The following NCOR2 variants were observed in gnomAD, a reference collection of about 807,000 sequenced individuals.
NCOR2 encodes the protein nuclear receptor corepressor 2.
Under a neutral mutation model 262.9 loss-of-function variants are expected in NCOR2, and 81 were observed. That is an observed-to-expected ratio of 0.31 (90% CI 0.26 to 0.37). The LOEUF (loss-of-function observed/expected upper bound fraction) is 0.37, where lower values mean the gene tolerates loss of function less well. Ranked by LOEUF, NCOR2 falls within the 10% of genes least tolerant of loss-of-function variation. The probability of loss-of-function intolerance (pLI) is 1.00; values close to 1 mark genes in which losing one functional copy is unlikely to be tolerated. For synonymous variants in NCOR2, 1,659 were observed against 1,559.3 expected, an observed-to-expected ratio of 1.06 and a Z score of -1.51; for missense variants, 3,385 against 3,621.4, an observed-to-expected ratio of 0.93 and a Z score of 1.68.
intron 10 of NCOR2, among the ~76,000 whole-genome samples, chr12:124,428,043 C>CTGTGTGTGTG (rs1491282996): frequency 1.1e-3 from 44 of 41,058 alleles, no homozygotes; most frequent in Non-Finnish European, 2.7e-3. Flanking sequence ...CCCATGTGGC[C>CTGTGTGTGTG]AGTGTGTGTG....
At chr12:124,355,002 C>T (rs990536989) in intron 24 of NCOR2, 63 bp from the exon 27 acceptor site, 74 of 1,384,824 alleles carry the variant, frequency 5.3e-5, no homozygotes, top group Non-Finnish European at 6.3e-5. Flanking sequence ...GTCCAGAGTG[C>T]CTGACGCTCC....
At chr12:124,393,736 C>T (rs1409897942) in intron 16 of NCOR2, among the ~76,000 whole-genome samples, 2 of 152,250 alleles carry the variant, frequency 1.3e-5, no homozygotes, top group African/African-American at 4.8e-5. Flanking sequence ...AGGCTGCTCA[C>T]TAAGCCTCTC....
chr12:124,458,621 C>T (rs536037369), intron 5 of NCOR2, among the ~76,000 whole-genome samples: 1 of 152,362 alleles, frequency 6.6e-6, no homozygotes, highest in Admixed American at 6.5e-5. Context: ...CTTAACATGT[C>T]AATTGCGCAT....
chr12:124,356,225 T>C (rs1163874519), intron 23 of NCOR2, among the ~76,000 whole-genome samples: 1 of 152,242 alleles, frequency 6.6e-6, no homozygotes, highest in Admixed American at 6.5e-5. Flanking sequence ...CCCCCGGCTG[T>C]GCTGCTTTAC....
intron 39 of NCOR2, 88 bp downstream of exon 41, chr12:124,335,395 G>A: frequency 1.3e-6 from 2 of 1,520,266 alleles, no homozygotes; most frequent in South Asian, 2.5e-5. Flanking sequence ...TGGCCTTTAG[G>A]CACCTCTGTT....
Position 124,379,004 on chromosome 12 carries a change from T to C in NCOR2, c.2020-620A>G, listed in dbSNP as rs7970925. Reference sequence around the variant, plus strand: ...GCACTCAGAGGATCAGAGGGTCGCGTGGGTGAAACAGGATGGGACAAGGAG... The same window carrying C: ...GCACTCAGAGGATCAGAGGGTCGCGCGGGTGAAACAGGATGGGACAAGGAG... On this transcript the variant is annotated intron_variant, in intron 17 of 46. Coordinates refer to ENST00000405201, the Ensembl canonical transcript of NCOR2. Among the ~76,000 whole-genome samples the C allele has an allele frequency of 4.6e-3, 107 of 23,512 alleles. 1 individual carries two copies. Among genetic ancestry groups the C allele is most frequent in the Non-Finnish European group, 2.2e-3 (13 of 5,890 alleles). 15.4% of individuals were successfully genotyped at this position (23,512 alleles called of 152,430 possible). A position where few individuals can be genotyped will look rare whatever the true frequency, so the allele number is the denominator to read the frequency against.
chr12:124,352,047 C>CA (rs796126205), intron 27 of NCOR2, among the ~76,000 whole-genome samples: 28 of 152,280 alleles, frequency 1.8e-4, no homozygotes, highest in African/African-American at 6.5e-4. Context: ...GAGCTCCCCC[C>CA]AAACTTCCCA....
At position 124,412,476 on chromosome 12, in the gene NCOR2, C is replaced by A. The variant is rs531044088; in HGVS notation, c.1482+7481G>T. ...TGCCTCCTGGGCTGGACTGGCCAGACCTCCCTTCTAGAAGGGGCTGGCTGC... is the reference window on the plus strand; with the variant it reads ...TGCCTCCTGGGCTGGACTGGCCAGAACTCCCTTCTAGAAGGGGCTGGCTGC... On this transcript the variant is annotated intron_variant, in intron 13 of 46. Transcript: ENST00000405201. Among the ~76,000 whole-genome samples, 34 of 152,346 alleles carry A rather than the reference C, an allele frequency of 2.2e-4. No homozygotes were observed. The South Asian group carries it at 2.7e-3, about 12-fold the overall frequency.
chr12:124,351,553 G>A (rs1236785351), intron 27 of NCOR2, among the ~76,000 whole-genome samples: 1 of 152,172 alleles, frequency 6.6e-6, no homozygotes, highest in Non-Finnish European at 1.5e-5. Flanking sequence ...CTGCCATATA[G>A]GGAATGAGCT....
exon 35 of NCOR2, chr12:124,340,668 G>C: frequency 1.3e-6 from 2 of 1,510,222 alleles, no homozygotes; most frequent in Non-Finnish European, 1.8e-6. Flanking sequence ...AGGTAGGCAA[G>C]GCGGTCCATG....
At position 124,378,335 on chromosome 12, in the gene NCOR2, G is replaced by A. The variant is rs1202645166; in HGVS notation, c.2069C>T (p.Ala690Val). 6.2e-7 allele frequency: 1 copy of A among 1,613,770 alleles called. No homozygotes were observed. The highest frequency in any genetic ancestry group is 8.5e-7 in the Non-Finnish European group (1 of 1,179,868). ...GGGCGGGAATGCAGCCTCCTCGCTG[G>A]CCGCCGCCGGCGCTTTCTTCTTCTT... Residue 690 changes from alanine (A) to valine (V), a missense_variant, in exon 18 of 47, where the codon GCC becomes GTC. Ala to Val is a moderately conservative substitution (Grantham distance 64, BLOSUM62 0). Transcript: ENST00000405201. The surrounding 1 kb of genome is among the most constrained non-coding windows in gnomAD (Gnocchi z 4.2).
intron 1 of NCOR2, among the ~76,000 whole-genome samples, chr12:124,552,853 CTA>C (rs1031294408): frequency 1.4e-4 from 21 of 150,934 alleles, no homozygotes; most frequent in African/African-American, 3.9e-4. Flanking sequence ...AGCTAGTTTT[CTA>C]TGTTTTTTAT....
chr12:124,403,082 G>C (rs943717291), intron 13 of NCOR2, among the ~76,000 whole-genome samples: 9 of 152,250 alleles, frequency 5.9e-5, no homozygotes, highest in Non-Finnish European at 8.8e-5. Flanking sequence ...TGAGCATCTG[G>C]GAAGCTGGGG....
At chr12:124,324,517 C>T (rs1388957863) in exon 47 of NCOR2, 1 of 152,304 alleles carries the variant, frequency 6.6e-6, no homozygotes, top group African/African-American at 2.4e-5. Context: ...ATTCATTCTG[C>T]CCAAGGAAGG....
At chr12:124,343,102 G>A in exon 33 of NCOR2, 12 of 1,612,488 alleles carry the variant, frequency 7.4e-6, no homozygotes, top group Non-Finnish European at 1.0e-5. Flanking sequence ...CCCGAAGCAG[G>A]TGCTCATAGG....
At chr12:124,342,013 T>A in exon 34 of NCOR2, 3 of 1,612,346 alleles carry the variant, frequency 1.9e-6, no homozygotes, top group Non-Finnish European at 2.5e-6. Flanking sequence ...TGAGGTAGGG[T>A]GGGTACAGGT....
At chr12:124,341,878 C>A (rs1338156717) in exon 34 of NCOR2, 3 of 1,612,238 alleles carry the variant, frequency 1.9e-6, no homozygotes, top group Non-Finnish European at 2.5e-6. Flanking sequence ...GCGAGAGGCC[C>A]CTCAGCATAT....
At chr12:124,325,384 C>CCCCCA (rs1555297263) in exon 47 of NCOR2, 7 of 486,604 alleles carry the variant, frequency 1.4e-5, no homozygotes, top group African/African-American at 2.3e-5. Flanking sequence ...ACCGCCCCCC[C>CCCCCA]CCCCGCCCTG....
chr12:124,342,162 C>A lies in NCOR2; in HGVS notation c.4937-88G>T. 6 of 1,440,848 alleles carry A rather than the reference C, an allele frequency of 4.2e-6. No homozygotes were observed. In the South Asian group the frequency reaches 8.3e-5, roughly 20 times the overall value. The allele number at this position is 1,440,848 out of a possible 1,614,324, so 89.3% of individuals were successfully genotyped here. On this transcript the variant is annotated intron_variant, in intron 33 of 46. Coordinates refer to ENST00000405201, the Ensembl canonical transcript of NCOR2. Reference sequence around the variant, plus strand: ...CCTGTCTGGATGCCCCCTACTTCTGCACCCGGACAGCTTCTCCCACCTACA... The same window carrying A: ...CCTGTCTGGATGCCCCCTACTTCTGAACCCGGACAGCTTCTCCCACCTACA...
Sources: gnomAD v4.1 joint callset for allele counts (sites outside exome capture counted in the v4.1 genomes callset) on GRCh38, gnomAD v4.1.1 for gene constraint, Gnocchi (gnomAD v3.1) non-coding constraint, MANE v1.5 for transcripts, NCBI Gene and HGNC (gene_info 2026-07-23, HGNC 2026-07-21) for gene names.